The following TOP2B variants were observed in gnomAD, a reference collection of about 807,000 sequenced individuals.
The protein encoded by TOP2B is DNA topoisomerase 2-beta.
A neutral mutation model predicts 193.5 loss-of-function variants in TOP2B; 51 were observed. That is an observed-to-expected ratio of 0.26 (90% CI 0.21 to 0.33). The LOEUF is 0.33. TOP2B is among the 10% of genes least tolerant of loss of function. The pLI is 1.00. For missense variants in TOP2B, 1,378 were observed against 1,909.3 expected, an observed-to-expected ratio of 0.72 and a Z score of 5.19; for synonymous variants, 634 against 635.7, an observed-to-expected ratio of 1.00 and a Z score of 0.04.
intron 33 of TOP2B, among the ~76,000 whole-genome samples, chr3:25,601,627 G>C (rs1431068134): frequency 6.6e-6 from 1 of 151,954 alleles, no homozygotes; most frequent in African/African-American, 2.4e-5. Context: ...AAAAAAAATT[G>C]AGTCGCCTTA....
At chr3:25,637,763 T>C (rs765445894) in intron 5 of TOP2B, among the ~76,000 whole-genome samples, 28 of 152,144 alleles carry the variant, frequency 1.8e-4, no homozygotes, top group Non-Finnish European at 3.5e-4. Flanking sequence ...TATATGGTTT[T>C]GGTCAAAGCA....
intron 18 of TOP2B, 162 bp from the exon 19 acceptor site, chr3:25,624,965 G>GT: frequency 1.5e-6 from 1 of 666,022 alleles, no homozygotes; most frequent in Non-Finnish European, 2.5e-6. Flanking sequence ...TGTTTTGTTT[G>GT]TTTGTTTTTT....
At position 25,598,281 on chromosome 3, in the gene TOP2B, G is replaced by GA. The variant is rs770558491; in HGVS notation, c.*25dup. 2 of 1,579,946 alleles carry GA rather than the reference G, an allele frequency of 1.3e-6. No individual in the cohort carries two copies. The highest frequency in any genetic ancestry group is 2.3e-5 in the East Asian group (1 of 43,990). ...AAAAGGACAACACAAGATATTTGTT[G>GA]AAAAATGTTTGTGCTCTTTGGGCAC... On this transcript the variant is annotated 3_prime_UTR_variant, in exon 36 of 36. Transcript: ENST00000264331.
In TOP2B at chr3:25,661,464, T is replaced by C. The variant is rs545948559; in HGVS notation, c.69+2765A>G. On this transcript the variant is annotated intron_variant, in intron 1 of 35. Coordinates refer to ENST00000264331, the MANE Select transcript of TOP2B (RefSeq NM_001330700.2). Reference sequence around the variant, plus strand: ...TAAGTCATATAACTGTATTCTAGTATTTCCACAAATGTCTTTGTTACAATC... The same window carrying C: ...TAAGTCATATAACTGTATTCTAGTACTTCCACAAATGTCTTTGTTACAATC... Among the ~76,000 whole-genome samples, 10 of 152,352 alleles carry C rather than the reference T, an allele frequency of 6.6e-5. No homozygotes were observed. The South Asian group carries it at 2.1e-3, about 32-fold the overall frequency.
At chr3:25,622,631 A>G (rs1675222428) in intron 21 of TOP2B, among the ~76,000 whole-genome samples, 1 of 151,932 alleles carries the variant, frequency 6.6e-6, no homozygotes, top group South Asian at 2.1e-4. Context: ...CATAAAAAAA[A>G]AATGGGGATT....
rs561610663 is a variant in TOP2B at position 25,636,842 on chromosome 3, T to C, written c.639+373A>G. 1.5e-3 allele frequency among the ~76,000 whole-genome samples: 229 copies of C among 152,188 alleles called. 1 individual carries two copies. The highest frequency in any genetic ancestry group is 5.4e-3 in the African/African-American group (223 of 41,580). On this transcript the variant is annotated intron_variant, in intron 6 of 35. Coordinates refer to ENST00000264331, the MANE Select transcript of TOP2B (RefSeq NM_001330700.2). ...TATATAAAATTTCAAATCATTTTCA[T>C]AGACCTTCAAGAATAAAATAAAATT...
intron 32 of TOP2B, among the ~76,000 whole-genome samples, chr3:25,605,275 G>T (rs1702207012): frequency 6.6e-6 from 1 of 151,978 alleles, no homozygotes; most frequent in African/African-American, 2.4e-5. Flanking sequence ...AAATCTAAAA[G>T]AATAGTAAGT....
At chr3:25,599,194 ACAGTT>A (rs1221671026) in intron 35 of TOP2B, among the ~76,000 whole-genome samples, 1 of 152,222 alleles carries the variant, frequency 6.6e-6, no homozygotes, top group Non-Finnish European at 1.5e-5. Context: ...TAACACTACT[ACAGTT>A]CAGTGGATGA....
In TOP2B at chr3:25,664,740, G is replaced by A. The variant is rs1704039987; in HGVS notation, c.-443C>T. 1 of 987,714 alleles carries A rather than the reference G, an allele frequency of 1.0e-6. No individual in the cohort carries two copies. Among genetic ancestry groups the A allele is most frequent in the Non-Finnish European group, 1.2e-6 (1 of 830,362 alleles). 61.2% of individuals were successfully genotyped at this position (987,714 alleles called of 1,614,324 possible). A position where few individuals can be genotyped will look rare whatever the true frequency, so the allele number is the denominator to read the frequency against. On this transcript the variant is annotated 5_prime_UTR_variant, in exon 1 of 36. Coordinates refer to ENST00000264331, the MANE Select transcript of TOP2B (RefSeq NM_001330700.2). ...CACACTCCGCGAAGGCCAGCCACTC[G>A]AGTCGCCAGAGTAGTCGTCCCGGTC... is the stretch of plus-strand genomic sequence containing the variant.
chr3:25,651,502 CAAAAAA>C (rs1447977288), intron 1 of TOP2B, among the ~76,000 whole-genome samples: 7 of 147,392 alleles, frequency 4.7e-5, no homozygotes, highest in African/African-American at 1.7e-4. Flanking sequence ...GAAAGATGGA[CAAAAAA>C]GCTATAAGAC....
intron 27 of TOP2B, among the ~76,000 whole-genome samples, chr3:25,613,721 A>C (rs1461382340): frequency 1.8e-4 from 27 of 151,284 alleles, no homozygotes; most frequent in African/African-American, 6.1e-4. Context: ...GAGCAAGACC[A>C]TGTCTCAAAA....
intron 7 of TOP2B, among the ~76,000 whole-genome samples, chr3:25,634,915 A>G (rs1197017235): frequency 6.6e-6 from 1 of 152,008 alleles, no homozygotes; most frequent in Non-Finnish European, 1.5e-5. Flanking sequence ...GTCTTTACCT[A>G]TGGAGGAGAG....
In TOP2B at chr3:25,638,566, T is replaced by C. The variant is rs553235854; in HGVS notation, c.396-256A>G. 1.1e-4 allele frequency among the ~76,000 whole-genome samples: 16 copies of C among 151,966 alleles called. No individual in the cohort carries two copies. The South Asian group carries it at 3.1e-3, about 30-fold the overall frequency. The stretch of plus-strand genomic sequence containing the variant: ...GAAATGAAGGCAAGGAATGGAAAAT[T>C]ACAGATCTTAAACATCTCAGGATGA... On this transcript the variant is annotated intron_variant, in intron 4 of 35. Coordinates refer to ENST00000264331, the MANE Select transcript of TOP2B (RefSeq NM_001330700.2).
chr3:25,611,338 G>C (rs1702364453), intron 28 of TOP2B, among the ~76,000 whole-genome samples: 1 of 152,160 alleles, frequency 6.6e-6, no homozygotes, highest in Non-Finnish European at 1.5e-5. Flanking sequence ...CAAGTAAGAG[G>C]AAAGTAGTAG....
At chr3:25,621,796 C>A (rs1033014327) in intron 21 of TOP2B, among the ~76,000 whole-genome samples, 1 of 152,022 alleles carries the variant, frequency 6.6e-6, no homozygotes, top group African/African-American at 2.4e-5. Flanking sequence ...CGAGACCAGC[C>A]TGGCCAACAC....
At position 25,615,602 on chromosome 3, in the gene TOP2B, A is replaced by G. The variant is rs759878193; in HGVS notation, c.3352-16T>C. 6.6e-7 allele frequency: 1 copy of G among 1,509,444 alleles called. No individual in the cohort carries two copies. Among genetic ancestry groups the G allele is most frequent in the Non-Finnish European group, 8.8e-7 (1 of 1,132,282 alleles). 93.5% of individuals were successfully genotyped at this position (1,509,444 alleles called of 1,614,324 possible). On this transcript the variant is annotated splice_polypyrimidine_tract_variant and intron_variant, in intron 25 of 35. Transcript: ENST00000264331. ...CTTCTGCTGCCTGTAAAAAATAACA[A>G]ACTGTATATTAAAGTCTTGTATAGT...
intron 35 of TOP2B, among the ~76,000 whole-genome samples, chr3:25,598,925 G>A (rs1479715059): frequency 6.6e-6 from 1 of 152,128 alleles, no homozygotes; most frequent in African/African-American, 2.4e-5. Context: ...AGACATAGAA[G>A]ATGACTGAAT....
chr3:25,643,886 G>T (rs964402042), intron 2 of TOP2B, 102 bp from the exon 3 acceptor site: 1 of 744,808 alleles, frequency 1.3e-6, no homozygotes, highest in Non-Finnish European at 2.2e-6. Context: ...TGAATACTTA[G>T]ATCTGCAAAG....
At chr3:25,619,790 T>A in intron 23 of TOP2B, 72 bp downstream of exon 23, 3 of 1,117,446 alleles carry the variant, frequency 2.7e-6, no homozygotes, top group Non-Finnish European at 3.9e-6. Flanking sequence ...ACTCCCATCA[T>A]GAAACCAATT....
Sources: allele counts gnomAD v4.1 joint callset (sites outside exome capture counted in the v4.1 genomes callset), GRCh38; gene constraint gnomAD v4.1.1; transcripts MANE v1.5; gene names NCBI Gene and HGNC (gene_info 2026-07-23, HGNC 2026-07-21).